LRRC9: variants seen among roughly 807,000 people sequenced by gnomAD.
The protein encoded by LRRC9 is leucine-rich repeat-containing protein 9.
LRRC9 carries 122 observed loss-of-function variants against 63.2 expected under a neutral mutation model. The ratio of observed to expected loss-of-function variants is 1.93; its 90% confidence interval spans 1.67 to 2.24. The LOEUF is 2.24. Ranked by LOEUF, LRRC9 falls within the 30% of genes most tolerant of loss-of-function variation. LRRC9 has a pLI of 0.00. For missense variants in LRRC9, 1,071 were observed against 627.7 expected (o/e 1.71, Z -7.55); for synonymous variants, 366 against 213.1 (o/e 1.72, Z -6.25).
rs937490800 is a variant in LRRC9 at position 59,951,570 on chromosome 14, C to T, written c.882+6826C>T. Among the ~76,000 whole-genome samples, 78 of 147,388 alleles carry T rather than the reference C, an allele frequency of 5.3e-4. 1 individual carries two copies. The highest frequency in any genetic ancestry group is 1.8e-3 in the African/African-American group (72 of 39,634). ...CTGCGTTCCTTTGGAGGATGAGAGG[C>T]GCTCTGCGTTTTAGAGTTTCCAGTT... is the stretch of plus-strand genomic sequence containing the variant. On this transcript the variant is annotated intron_variant, in intron 8 of 31. Coordinates refer to ENST00000445360, the Ensembl canonical transcript of LRRC9.
intron 13 of LRRC9, among the ~76,000 whole-genome samples, chr14:59,976,253 G>C (rs219325): frequency 0.47 from 71,758 of 152,056 alleles, 20,707 homozygotes; most frequent in Non-Finnish European, 0.64. Flanking sequence ...TAGAAATAAA[G>C]TACACAATAA....
intron 30 of LRRC9, among the ~76,000 whole-genome samples, chr14:60,055,352 C>A (rs1019739457): frequency 4.6e-5 from 7 of 152,104 alleles, no homozygotes; most frequent in African/African-American, 1.4e-4. Flanking sequence ...GTCACAGGCC[C>A]CAGTCTTTCA....
intron 10 of LRRC9, among the ~76,000 whole-genome samples, chr14:59,961,285 T>C (rs566739626): frequency 2.6e-5 from 4 of 152,244 alleles, no homozygotes; most frequent in Non-Finnish European, 4.4e-5. Context: ...CCTAATGGTT[T>C]ATCATTGCTC....
intron 29 of LRRC9, among the ~76,000 whole-genome samples, chr14:60,049,076 T>A (rs761675222): frequency 2.6e-5 from 4 of 152,180 alleles, no homozygotes; most frequent in Non-Finnish European, 4.4e-5. Context: ...TTTGATAAAG[T>A]TCAACATCTC....
chr14:60,065,321 T>C (rs1013304104), downstream of LRRC9, among the ~76,000 whole-genome samples: 1 of 150,682 alleles, frequency 6.6e-6, no homozygotes, highest in Non-Finnish European at 1.5e-5. Context: ...CAAAAAAAAA[T>C]TTTTTTTTCA....
chr14:60,028,055 CTT>C lies in LRRC9; in HGVS notation c.3877_3878del (p.Leu1293GlyfsTer11). On this transcript the variant is annotated frameshift_variant, in exon 28 of 32. Transcript: ENST00000445360. LOFTEE classifies it high-confidence loss of function. The stretch of plus-strand genomic sequence containing the variant: ...CTACGAGAACTGGGCAAATTACAAT[CTT>C]TGGTAAAACTAGAGAAACTCTTCCT... The C allele has an allele frequency of 1.4e-6, 1 of 701,586 alleles. No homozygotes were observed. The highest frequency in any genetic ancestry group is 2.3e-4 in the Middle Eastern group (1 of 4,342). The allele number at this position is 701,586 out of a possible 1,614,324, so 43.5% of individuals were successfully genotyped here. A position where few individuals can be genotyped will look rare whatever the true frequency, so the allele number is the denominator to read the frequency against.
chr14:60,020,059 C>G (rs1057358255), intron 26 of LRRC9, among the ~76,000 whole-genome samples: 3 of 151,790 alleles, frequency 2.0e-5, no homozygotes, highest in East Asian at 3.9e-4. Context: ...AAAACCTCTA[C>G]CACAATCAAA....
At chr14:59,978,767 T>G (rs1264173769) in intron 15 of LRRC9, among the ~76,000 whole-genome samples, 1 of 152,198 alleles carries the variant, frequency 6.6e-6, no homozygotes, top group Non-Finnish European at 1.5e-5. Flanking sequence ...TATACAAATA[T>G]GGAAGTTTCT....
In LRRC9 at chr14:60,059,548, G is replaced by A. The variant is rs193111442; in HGVS notation, c.4276+1526G>A. ...AATTCTTGAAGGAAATTAAAAATGC[G>A]ACTCCAAGGAACACATGGATAAGAA... On this transcript the variant is annotated intron_variant, in intron 31 of 31. Transcript: ENST00000445360. Among the ~76,000 whole-genome samples the A allele has an allele frequency of 1.0e-3, 155 of 152,268 alleles. 1 individual carries two copies. Among genetic ancestry groups the A allele is most frequent in the Non-Finnish European group, 1.7e-3 (114 of 68,020 alleles).
At chr14:59,998,804 T>C (rs1456291596) in intron 18 of LRRC9, among the ~76,000 whole-genome samples, 1 of 152,060 alleles carries the variant, frequency 6.6e-6, no homozygotes, top group Non-Finnish European at 1.5e-5. Context: ...TTACTGCTGA[T>C]CTAGATAAAC....
At chr14:60,033,793 T>A (rs1216895205) in intron 29 of LRRC9, among the ~76,000 whole-genome samples, 1 of 152,034 alleles carries the variant, frequency 6.6e-6, no homozygotes, top group Non-Finnish European at 1.5e-5. Context: ...ATTCCCTCTT[T>A]CTCCAATCTA....
At position 60,031,404 on chromosome 14, in the gene LRRC9, C is replaced by T. The variant is rs1304828500; in HGVS notation, c.3922-591C>T. ...GTTGGCTAAAGTTTGTCAGAAATAG[C>T]ATTTTAGAAATAATTTTGCAAAAAC... On this transcript the variant is annotated intron_variant, in intron 28 of 31. Coordinates refer to ENST00000445360, the Ensembl canonical transcript of LRRC9. The surrounding 1 kb of genome is among the most constrained non-coding windows in gnomAD (Gnocchi z 4.6). Among the ~76,000 whole-genome samples the T allele has an allele frequency of 6.6e-6, 1 of 151,958 alleles. No individual in the cohort carries two copies. Among genetic ancestry groups the T allele is most frequent in the East Asian group, 1.9e-4 (1 of 5,190 alleles).
chr14:60,015,615 G>T (rs1239083783), intron 23 of LRRC9, among the ~76,000 whole-genome samples: 1 of 152,102 alleles, frequency 6.6e-6, no homozygotes, highest in African/African-American at 2.4e-5. Context: ...GGAACTCCTT[G>T]TTACTATTAC....
At chr14:60,006,558 G>C in exon 22 of LRRC9, 1 of 701,544 alleles carries the variant, frequency 1.4e-6, no homozygotes, top group Non-Finnish European at 2.6e-6. Flanking sequence ...TTTTACTCTT[G>C]TTGAGTTATA....
chr14:59,961,025 A>G, exon 10 of LRRC9: 1 of 691,186 alleles, frequency 1.4e-6, no homozygotes, highest in Non-Finnish European at 2.6e-6. Context: ...ATTTTGAAGA[A>G]GGCACTCGAT....
intron 29 of LRRC9, among the ~76,000 whole-genome samples, chr14:60,037,598 C>T (rs1019809273): frequency 6.6e-6 from 1 of 152,158 alleles, no homozygotes; most frequent in Non-Finnish European, 1.5e-5. Flanking sequence ...CCTTTGCCCA[C>T]TTTTTGATGG....
chr14:59,944,792 C>T (rs1321584488), intron 8 of LRRC9, 48 bp downstream of exon 8: 11 of 575,980 alleles, frequency 1.9e-5, no homozygotes, highest in South Asian at 1.4e-4. Context: ...TTAAGAAAAC[C>T]GTTAGATAAG....
At position 59,919,934 on chromosome 14, in the gene LRRC9, C is replaced by T. The variant is rs961031723; in HGVS notation, c.-34+51C>T. 1 of 152,242 alleles carries T rather than the reference C, an allele frequency of 6.6e-6. No homozygotes were observed. Among genetic ancestry groups the T allele is most frequent in the Admixed American group, 6.5e-5 (1 of 15,282 alleles). The allele number at this position is 152,242 out of a possible 1,614,324, so 9.4% of individuals were successfully genotyped here. On this transcript the variant is annotated intron_variant, in intron 1 of 31. Transcript: ENST00000445360. The surrounding 1 kb of genome is among the most constrained non-coding windows in gnomAD (Gnocchi z 4.5). ...CAGAAAAACCTGCCAGCGAGAAGCT[C>T]CCGCCGTTTCCCAGGAGCCCCAGGT... is the stretch of plus-strand genomic sequence containing the variant.
Position 59,923,158 on chromosome 14 carries a change from T to G in LRRC9, c.-34+3275T>G, listed in dbSNP as rs1182384461. Among the ~76,000 whole-genome samples, 2 of 152,238 alleles carry G rather than the reference T, an allele frequency of 1.3e-5. No individual in the cohort carries two copies. The highest frequency in any genetic ancestry group is 4.8e-5 in the African/African-American group (2 of 41,462). On this transcript the variant is annotated intron_variant, in intron 1 of 31. Coordinates refer to ENST00000445360, the Ensembl canonical transcript of LRRC9. The surrounding 1 kb of genome is among the most constrained non-coding windows in gnomAD (Gnocchi z 4.2). ...TTCATCTGGAACCCTTGAGTCCATT[T>G]GTGACTGGAGAAAACATACAAGACT...
Sources: gnomAD v4.1 joint callset for allele counts (sites outside exome capture counted in the v4.1 genomes callset) on GRCh38, gnomAD v4.1.1 for gene constraint, Gnocchi (gnomAD v3.1) non-coding constraint, MANE v1.5 for transcripts, NCBI Gene and HGNC (gene_info 2026-07-23, HGNC 2026-07-21) for gene names.